The following DCLK1 variants were observed in gnomAD, a reference collection of about 807,000 sequenced individuals.
DCLK1 encodes serine/threonine-protein kinase DCLK1.
DCLK1 carries 16 observed loss-of-function variants against 86.2 expected under a neutral mutation model. The observed-to-expected ratio is 0.19, with a 90% CI of 0.13 to 0.28. The LOEUF (loss-of-function observed/expected upper bound fraction) is 0.28. DCLK1 is among the 10% of genes least tolerant of loss of function. The probability of loss-of-function intolerance (pLI) is 1.00; values close to 1 mark genes in which losing one functional copy is unlikely to be tolerated. For synonymous variants in DCLK1, 369 were observed against 370.5 expected, an observed-to-expected ratio of 1.00 and a Z score of 0.05; for missense variants, 590 against 940.2, an observed-to-expected ratio of 0.63 and a Z score of 4.87.
intron 16 of DCLK1, among the ~76,000 whole-genome samples, chr13:35,784,831 T>C (rs2086590456): frequency 6.6e-6 from 1 of 152,016 alleles, no homozygotes; most frequent in Non-Finnish European, 1.5e-5. Flanking sequence ...CTGTGTACAT[T>C]TGGCTGCTTC....
chr13:35,918,411 T>C lies in DCLK1; in HGVS notation c.823+28947A>G, dbSNP rs536691029. Reference sequence around the variant, plus strand: ...ATGTGGGGTAGAGTGTTTCAGCTTATGTGACCATGGAGAGTGTTCCAAACA... The same window carrying C: ...ATGTGGGGTAGAGTGTTTCAGCTTACGTGACCATGGAGAGTGTTCCAAACA... On this transcript the variant is annotated intron_variant, in intron 4 of 16. Coordinates refer to ENST00000360631, the MANE Select transcript of DCLK1 (RefSeq NM_001330071.2). 1.2e-4 allele frequency among the ~76,000 whole-genome samples: 19 copies of C among 152,328 alleles called. No individual in the cohort carries two copies. In the South Asian group the frequency reaches 3.3e-3, roughly 27 times the overall value.
Position 35,903,698 on chromosome 13 carries a change from C to A in DCLK1, c.824-32358G>T, listed in dbSNP as rs576891970. Among the ~76,000 whole-genome samples the A allele has an allele frequency of 4.6e-5, 7 of 152,132 alleles. No homozygotes were observed. In the East Asian group the frequency reaches 1.2e-3, roughly 25 times the overall value. On this transcript the variant is annotated intron_variant, in intron 4 of 16. Transcript: ENST00000360631. ...ATGTTCTACAACAAGACTATCCACC[C>A]CCTCCAAAGTCAAGCTTTGATATAT... is the stretch of plus-strand genomic sequence containing the variant.
intron 3 of DCLK1, among the ~76,000 whole-genome samples, chr13:36,051,813 G>A (rs1338862114): frequency 6.6e-6 from 1 of 151,912 alleles, no homozygotes; most frequent in African/African-American, 2.4e-5. Flanking sequence ...TTTTTTCTCA[G>A]TAGCAGCTTT....
chr13:35,803,482 C>T (rs2086963486), intron 15 of DCLK1, among the ~76,000 whole-genome samples: 2 of 152,170 alleles, frequency 1.3e-5, no homozygotes, highest in Non-Finnish European at 2.9e-5. Context: ...AAACAAACCT[C>T]AGTGCATAGC....
chr13:35,937,117 C>A (rs942456164), intron 4 of DCLK1, among the ~76,000 whole-genome samples: 56 of 148,994 alleles, frequency 3.8e-4, no homozygotes, highest in Non-Finnish European at 8.9e-5. Flanking sequence ...CTACAGGCAC[C>A]CGCCACCATG....
At chr13:35,780,270 T>C (rs2086503024) in intron 16 of DCLK1, among the ~76,000 whole-genome samples, 2 of 152,196 alleles carry the variant, frequency 1.3e-5, no homozygotes, top group African/African-American at 2.4e-5. Context: ...CCATGAACAC[T>C]TAAGAGTTCC....
intron 3 of DCLK1, among the ~76,000 whole-genome samples, chr13:35,958,913 A>AC (rs1201855053): frequency 6.6e-6 from 1 of 152,222 alleles, no homozygotes; most frequent in Non-Finnish European, 1.5e-5. Flanking sequence ...ATTCTCTGGA[A>AC]TTGTTTGAAT....
intron 4 of DCLK1, among the ~76,000 whole-genome samples, chr13:35,940,077 C>T (rs1056186945): frequency 6.6e-6 from 1 of 151,978 alleles, no homozygotes; most frequent in Non-Finnish European, 1.5e-5. Context: ...AAAAACTAGC[C>T]GGGCATGGTG....
intron 4 of DCLK1, among the ~76,000 whole-genome samples, chr13:35,912,673 A>G (rs1285658715): frequency 2.6e-5 from 4 of 152,118 alleles, no homozygotes; most frequent in Non-Finnish European, 4.4e-5. Context: ...TCCTTCAAGT[A>G]TCTGTGTAAC....
chr13:36,045,361 T>TAG (rs1246305900), intron 3 of DCLK1, among the ~76,000 whole-genome samples: 8 of 129,816 alleles, frequency 6.2e-5, no homozygotes, highest in East Asian at 2.2e-4. Flanking sequence ...TATATATATA[T>TAG]ATATATATAT....
intron 3 of DCLK1, among the ~76,000 whole-genome samples, chr13:36,069,350 A>G (rs775507227): frequency 5.3e-5 from 8 of 152,244 alleles, no homozygotes; most frequent in Non-Finnish European, 1.2e-4. Flanking sequence ...GCCAACATGC[A>G]ACAGAAATAA....
chr13:35,840,141 T>C (rs1869689355), intron 6 of DCLK1, among the ~76,000 whole-genome samples: 4 of 152,026 alleles, frequency 2.6e-5, no homozygotes, highest in African/African-American at 7.2e-5. Flanking sequence ...AGAGCATCTG[T>C]AGTTGAATTA....
chr13:35,999,898 G>T (rs554525825), intron 3 of DCLK1, among the ~76,000 whole-genome samples: 63 of 152,118 alleles, frequency 4.1e-4, no homozygotes, highest in Admixed American at 1.4e-3. Context: ...ACAAATAGCA[G>T]CAATCATTGC....
At chr13:36,002,112 G>A (rs1439036447) in intron 3 of DCLK1, among the ~76,000 whole-genome samples, 4 of 152,120 alleles carry the variant, frequency 2.6e-5, no homozygotes, top group African/African-American at 9.7e-5. Context: ...TTTATCCTGG[G>A]TGATGGCCAA....
At chr13:36,123,325 T>A (rs1444742606) in intron 2 of DCLK1, among the ~76,000 whole-genome samples, 2 of 152,218 alleles carry the variant, frequency 1.3e-5, no homozygotes. Context: ...GCATGCTAAT[T>A]GTCAGTGTTA....
intron 4 of DCLK1, among the ~76,000 whole-genome samples, chr13:35,920,517 G>A (rs2153126783): frequency 6.6e-6 from 1 of 151,902 alleles, no homozygotes; most frequent in African/African-American, 2.4e-5. Context: ...CTTGAAGCAG[G>A]AATTGAAGGG....
chr13:36,004,656 A>G (rs1019392460), intron 3 of DCLK1, among the ~76,000 whole-genome samples: 2 of 152,056 alleles, frequency 1.3e-5, no homozygotes, highest in Non-Finnish European at 2.9e-5. Context: ...CAGTGGTGCA[A>G]TCTCGGCCTC....
intron 4 of DCLK1, among the ~76,000 whole-genome samples, chr13:35,886,458 T>C (rs948456678): frequency 5.9e-5 from 9 of 152,188 alleles, no homozygotes; most frequent in African/African-American, 1.9e-4. Flanking sequence ...TGCAGAAATA[T>C]CTACCCTAAA....
At chr13:35,922,232 A>G (rs1284457674) in intron 4 of DCLK1, among the ~76,000 whole-genome samples, 1 of 152,218 alleles carries the variant, frequency 6.6e-6, no homozygotes, top group East Asian at 1.9e-4. Context: ...AATAGGTACT[A>G]TAATTTCACA....
Sources: gnomAD v4.1 joint callset for allele counts (sites outside exome capture counted in the v4.1 genomes callset) on GRCh38, gnomAD v4.1.1 for gene constraint, MANE v1.5 for transcripts, NCBI Gene and HGNC (gene_info 2026-07-23, HGNC 2026-07-21) for gene names.